Variants in CHRDL1 observed in about 807,000 individuals in gnomAD.
The protein encoded by CHRDL1 is chordin-like protein 1.
In CHRDL1, 19 loss-of-function variants were observed where a neutral mutation model predicts 40.9. The ratio of observed to expected loss-of-function variants is 0.46; its 90% confidence interval spans 0.32 to 0.68. CHRDL1 has a LOEUF of 0.68. Ranked by LOEUF, CHRDL1 falls within the 30% of genes least tolerant of loss-of-function variation. The pLI, the probability that CHRDL1 is intolerant of heterozygous loss-of-function variation, is 0.03. For missense variants in CHRDL1, 329 were observed against 352.1 expected, an observed-to-expected ratio of 0.93 and a Z score of 0.53; for synonymous variants, 136 against 123.4, an observed-to-expected ratio of 1.10 and a Z score of -0.68.
rs764091221 is a variant in CHRDL1, at chrX:110,715,225, C to T, written c.541+4610G>A. On this transcript the variant is annotated intron_variant, in intron 6 of 11. Transcript: ENST00000372042. ...AAAAGAAAAGAAATTTAAATTGTAACGATAGAACAGTACATAAAATAGCTA... is the reference window on the plus strand; with the variant it reads ...AAAAGAAAAGAAATTTAAATTGTAATGATAGAACAGTACATAAAATAGCTA... Among the ~76,000 whole-genome samples the T allele has an allele frequency of 8.1e-5, 9 of 111,246 alleles. No homozygotes were observed. The South Asian group carries it at 3.0e-3, about 38-fold the overall frequency.
chrX:110,702,170 C>T (rs758053028), intron 6 of CHRDL1, among the ~76,000 whole-genome samples: 187 of 111,272 alleles, frequency 1.7e-3, no homozygotes, highest in Non-Finnish European at 2.9e-3. Flanking sequence ...ACCCAATGAT[C>T]TCAGCTACTC....
chrX:110,710,366 G>T (rs995221841), intron 6 of CHRDL1, among the ~76,000 whole-genome samples: 3 of 111,777 alleles, frequency 2.7e-5, no homozygotes, highest in Non-Finnish European at 5.6e-5. Context: ...CACCCATGAA[G>T]AAATAATTGC....
intron 4 of CHRDL1, among the ~76,000 whole-genome samples, chrX:110,732,764 A>G (rs772491792): frequency 1.1e-4 from 11 of 100,906 alleles, no homozygotes; most frequent in Non-Finnish European, 4.0e-5. Context: ...AATGGCATAG[A>G]TTTGGGGGTT....
chrX:110,754,499 C>A (rs2089416835), intron 4 of CHRDL1, among the ~76,000 whole-genome samples: 1 of 111,852 alleles, frequency 8.9e-6, no homozygotes, highest in Non-Finnish European at 1.9e-5. Context: ...CTAGCTCACT[C>A]ACAACCCAAC....
chrX:110,692,044 T>C (rs767862875), intron 8 of CHRDL1, among the ~76,000 whole-genome samples: 17 of 111,428 alleles, frequency 1.5e-4, no homozygotes, highest in Non-Finnish European at 3.0e-4. Context: ...TGGATTCCTA[T>C]CATTTCTCTT....
intron 2 of CHRDL1, among the ~76,000 whole-genome samples, chrX:110,766,097 C>A (rs2089655419): frequency 9.0e-6 from 1 of 111,721 alleles, no homozygotes; most frequent in Non-Finnish European, 1.9e-5. Flanking sequence ...CCCGAATGAG[C>A]ATTGGGTGAA....
intron 7 of CHRDL1, among the ~76,000 whole-genome samples, chrX:110,695,527 A>T (rs939520364): frequency 5.3e-5 from 6 of 112,440 alleles, no homozygotes; most frequent in African/African-American, 1.6e-4. Flanking sequence ...TGAAGAATGG[A>T]ACCTTAAGGC....
At chrX:110,706,781 T>C (rs1419987061) in intron 6 of CHRDL1, among the ~76,000 whole-genome samples, 2 of 112,629 alleles carry the variant, frequency 1.8e-5, no homozygotes, top group South Asian at 7.4e-4. Flanking sequence ...TGCCTGTTTT[T>C]CTGGCAGGCA....
At chrX:110,730,801 T>C (rs1477719686) in intron 4 of CHRDL1, among the ~76,000 whole-genome samples, 2 of 111,710 alleles carry the variant, frequency 1.8e-5, no homozygotes, top group African/African-American at 3.3e-5. Context: ...TTTTCCAGAA[T>C]TGCTAAACAA....
intron 7 of CHRDL1, among the ~76,000 whole-genome samples, chrX:110,696,102 A>G (rs2070380445): frequency 9.0e-6 from 1 of 111,340 alleles, no homozygotes; most frequent in South Asian, 3.8e-4. Flanking sequence ...CCAAAGGAAC[A>G]CATAGAGGAC....
chrX:110,728,812 G>A (rs1286020942), intron 4 of CHRDL1, among the ~76,000 whole-genome samples: 1 of 111,872 alleles, frequency 8.9e-6, no homozygotes, highest in Non-Finnish European at 1.9e-5. Context: ...CATACATCCA[G>A]GATGCAACAC....
At chrX:110,687,103 T>C (rs1195494647) in intron 9 of CHRDL1, among the ~76,000 whole-genome samples, 3 of 110,564 alleles carry the variant, frequency 2.7e-5, no homozygotes, top group Non-Finnish European at 5.7e-5. Flanking sequence ...CAAGCTGTAA[T>C]GTGCATTAGA....
intron 9 of CHRDL1, among the ~76,000 whole-genome samples, chrX:110,687,278 A>G (rs1356334945): frequency 1.8e-5 from 2 of 111,357 alleles, no homozygotes; most frequent in Non-Finnish European, 3.8e-5. Context: ...TAGTTCTCAA[A>G]CTTTTCTGCA....
intron 4 of CHRDL1, among the ~76,000 whole-genome samples, chrX:110,733,897 G>A (rs976108040): frequency 5.9e-5 from 5 of 85,038 alleles, no homozygotes; most frequent in Admixed American, 1.7e-4. Context: ...GCTGTAGATC[G>A]CACAGCCTGG....
At chrX:110,770,286 T>G (rs1455805440) in intron 2 of CHRDL1, among the ~76,000 whole-genome samples, 2 of 111,976 alleles carry the variant, frequency 1.8e-5, no homozygotes, top group Non-Finnish European at 3.8e-5. Context: ...TACAGGAAGA[T>G]AACCACTTTT....
chrX:110,709,671 T>C (rs1374087444), intron 6 of CHRDL1, among the ~76,000 whole-genome samples: 1 of 111,991 alleles, frequency 8.9e-6, no homozygotes, highest in East Asian at 2.8e-4. Flanking sequence ...GCTTCATTGG[T>C]AGGAGTACAA....
intron 6 of CHRDL1, among the ~76,000 whole-genome samples, chrX:110,712,142 A>G (rs889984416): frequency 4.5e-5 from 5 of 112,089 alleles, no homozygotes; most frequent in African/African-American, 1.6e-4. Context: ...ACACAAAGCA[A>G]TAACAGTGCA....
chrX:110,741,997 T>G (rs2071370094), intron 4 of CHRDL1, among the ~76,000 whole-genome samples: 1 of 112,285 alleles, frequency 8.9e-6, no homozygotes, highest in Non-Finnish European at 1.9e-5. Context: ...GGCTCTGGGT[T>G]GAGGGCAAAG....
At chrX:110,738,073 A>G (rs1035476967) in intron 4 of CHRDL1, among the ~76,000 whole-genome samples, 1 of 112,340 alleles carries the variant, frequency 8.9e-6, no homozygotes, top group Non-Finnish European at 1.9e-5. Flanking sequence ...TAGAAAAAAT[A>G]ATAGATACAA....
Sources: gnomAD v4.1 joint callset for allele counts (sites outside exome capture counted in the v4.1 genomes callset) on GRCh38, gnomAD v4.1.1 for gene constraint, MANE v1.5 for transcripts, NCBI Gene and HGNC (gene_info 2026-07-23, HGNC 2026-07-21) for gene names.